The following MYBBP1A variants were observed in gnomAD, a reference collection of about 807,000 sequenced individuals.
MYBBP1A encodes the protein myb-binding protein 1A.
A neutral mutation model predicts 136.3 loss-of-function variants in MYBBP1A; 147 were observed. The observed-to-expected ratio is 1.08, with a 90% CI of 0.94 to 1.24. The LOEUF (loss-of-function observed/expected upper bound fraction) is 1.24, where lower values mean the gene tolerates loss of function less well. Among genes scored for constraint, MYBBP1A ranks in the 50% most tolerant of loss-of-function variants. The pLI is 0.00. For missense variants in MYBBP1A, 2,060 were observed against 1,727.4 expected, an observed-to-expected ratio of 1.19 and a Z score of -3.41; for synonymous variants, 947 against 735.8, an observed-to-expected ratio of 1.29 and a Z score of -4.65.
At position 4,539,565 on chromosome 17, in the gene MYBBP1A, C is replaced by T; in HGVS notation, c.3837G>A (p.Lys1279=). The T allele has an allele frequency of 6.2e-7, 1 of 1,614,152 alleles. No homozygotes were observed. The change falls in exon 26 of 26, where the codon AAG becomes AAA. Residue 1279 remains lysine (K), a synonymous_variant. Transcript: ENST00000254718. The stretch of plus-strand genomic sequence containing the variant: ...CCAAGACCCCCTTTTTGGGAAGAGC[C>T]TTCTGATGCTGCTTTTGGCCTGCAG... ...TEPAGQKQHQ[K]ALPKKGVLGK...
At chr17:4,547,664 G>A (rs1907122117) in intron 13 of MYBBP1A, 1 of 367,120 alleles carries the variant, frequency 2.7e-6, no homozygotes, top group Non-Finnish European at 4.9e-6. Flanking sequence ...TACAGTGCAA[G>A]CTCCTTTGCC....
chr17:4,550,180 G>A lies in MYBBP1A; in HGVS notation c.1197C>T (p.Ser399=), dbSNP rs781268668. 4 of 1,613,968 alleles carry A rather than the reference G, an allele frequency of 2.5e-6. No individual in the cohort carries two copies. Among genetic ancestry groups the A allele is most frequent in the Non-Finnish European group, 3.4e-6 (4 of 1,180,048 alleles). ...PTFWRVVRFL[S]PPALQGYVAW... is the part of the protein sequence containing the mutation. ...CCACATAGCCCTGCAGGGCCGGAGG[G>A]CTCAGGAACCGCACGACCCGCCAGA... is the stretch of plus-strand genomic sequence containing the variant. The change falls in exon 9 of 26, where the codon AGC becomes AGT. Residue 399 remains serine, a synonymous_variant. Coordinates refer to ENST00000254718, the MANE Select transcript of MYBBP1A (RefSeq NM_014520.4).
Position 4,540,330 on chromosome 17 carries a change from C to A in MYBBP1A, c.3434+18G>T. On this transcript the variant is annotated intron_variant, in intron 25 of 25. Coordinates refer to ENST00000254718, the MANE Select transcript of MYBBP1A (RefSeq NM_014520.4). ...CCCAGCCCCTACCCAAGGTGTGTGTCCCCCTCCCAGAACCTACTGGACTCC... is the reference window on the plus strand; with the variant it reads ...CCCAGCCCCTACCCAAGGTGTGTGTACCCCTCCCAGAACCTACTGGACTCC... The A allele has an allele frequency of 1.3e-6, 2 of 1,588,952 alleles. No homozygotes were observed. The highest frequency in any genetic ancestry group is 1.1e-5 in the South Asian group (1 of 89,208).
intron 13 of MYBBP1A, chr17:4,547,720 G>A: frequency 2.2e-6 from 1 of 446,692 alleles, no homozygotes; most frequent in South Asian, 5.6e-5. Context: ...GGGGGTGTCT[G>A]CCTCAAAGCT....
chr17:4,548,135 G>A lies in MYBBP1A; in HGVS notation c.1724+8C>T, dbSNP rs770970979. ...CCTGCCCACCCCCTGGAAATCCCAC[G>A]TGCTCACCGGTCCCAGGCCTGGCGC... On this transcript the variant is annotated splice_region_variant and intron_variant, in intron 12 of 25. Transcript: ENST00000254718. This position sits in a 1 kb window ranked among gnomAD's most constrained non-coding sequence, Gnocchi z 4.2. The A allele has an allele frequency of 7.4e-5, 118 of 1,604,326 alleles. No homozygotes were observed. The highest frequency in any genetic ancestry group is 9.8e-5 in the Non-Finnish European group (116 of 1,179,848).
intron 9 of MYBBP1A, among the ~76,000 whole-genome samples, 180 bp downstream of exon 9, chr17:4,549,878 A>C (rs1024494340): frequency 2.6e-5 from 4 of 151,746 alleles, no homozygotes; most frequent in African/African-American, 7.3e-5. Flanking sequence ...CCCCATCCCG[A>C]TCGCCAGTGT....
intron 24 of MYBBP1A, among the ~76,000 whole-genome samples, chr17:4,540,749 GCCCA>G (rs1343668251): frequency 6.6e-6 from 1 of 151,928 alleles, no homozygotes; most frequent in Non-Finnish European, 1.5e-5. Context: ...AGTGGCCCGG[GCCCA>G]CCCACCTCCA....
Position 4,542,955 on chromosome 17 carries a change from C to G in MYBBP1A, c.2850G>C (p.Gln950His), listed in dbSNP as rs749109515. The change falls in exon 20 of 26, where the codon CAG (glutamine) becomes CAC (histidine). Residue 950 changes from glutamine to histidine, a missense_variant. By Grantham distance (24) the Gln-to-His change is conservative. Transcript: ENST00000254718. ...TGTGGCTGGGGTCAGTGCCAGCTTT[C>G]TGCTTCTCCTGTGTCTCATGCACGC... ...EGCVHETQEKQKAGTDPSHMP... is the reference protein window; with the variant it reads ...EGCVHETQEKHKAGTDPSHMP... The G allele has an allele frequency of 1.1e-5, 17 of 1,614,078 alleles. No homozygotes were observed. Among genetic ancestry groups the G allele is most frequent in the Admixed American group, 1.7e-5 (1 of 60,030 alleles).
chr17:4,539,367 C>T lies in MYBBP1A; in HGVS notation c.*48G>A, dbSNP rs769829037. ...TTTAAAAAAAAAAAAAAAAAATAGG[C>T]GTCTCAGGCAGATGGAGGCAGGGGC... On this transcript the variant is annotated 3_prime_UTR_variant, in exon 26 of 26. Coordinates refer to ENST00000254718, the MANE Select transcript of MYBBP1A (RefSeq NM_014520.4). 46 of 1,500,502 alleles carry T rather than the reference C, an allele frequency of 3.1e-5. No individual in the cohort carries two copies. Among genetic ancestry groups the T allele is most frequent in the Non-Finnish European group, 3.9e-5 (44 of 1,128,482 alleles). The allele number at this position is 1,500,502 out of a possible 1,614,324, so 92.9% of individuals were successfully genotyped here. A position where few individuals can be genotyped will look rare whatever the true frequency, so the allele number is the denominator to read the frequency against.
Position 4,543,190 on chromosome 17 carries a change from G to A in MYBBP1A, c.2640-25C>T, listed in dbSNP as rs373880983. ...CCTGTGGGTGGTGAGGACGAGAGCT[G>A]GTCAGAACATTCTCGGTCCACCCTG... On this transcript the variant is annotated intron_variant, in intron 19 of 25. Coordinates refer to ENST00000254718, the MANE Select transcript of MYBBP1A (RefSeq NM_014520.4). The A allele has an allele frequency of 8.3e-5, 131 of 1,581,922 alleles. No individual in the cohort carries two copies. In the African/African-American group the frequency reaches 8.4e-4, roughly 10 times the overall value.
chr17:4,548,687 C>T lies in MYBBP1A; in HGVS notation c.1431-38G>A. 1.9e-6 allele frequency: 3 copies of T among 1,612,870 alleles called. No homozygotes were observed. The highest frequency in any genetic ancestry group is 1.7e-6 in the Non-Finnish European group (2 of 1,179,458). On this transcript the variant is annotated intron_variant, in intron 10 of 25. Transcript: ENST00000254718. The surrounding 1 kb of genome is among the most constrained non-coding windows in gnomAD (Gnocchi z 4.2). ...GGAGAGTGGCCATAGCCATTCACTGCCATTGGTTTTTACAGGCTCCCCTCC... is the reference window on the plus strand; with the variant it reads ...GGAGAGTGGCCATAGCCATTCACTGTCATTGGTTTTTACAGGCTCCCCTCC...
intron 2 of MYBBP1A, among the ~76,000 whole-genome samples, chr17:4,554,545 CAG>C (rs1264913653): frequency 6.6e-6 from 1 of 152,200 alleles, no homozygotes; most frequent in Non-Finnish European, 1.5e-5. Flanking sequence ...CAAGGCGCCT[CAG>C]AGAGTGGTCT....
chr17:4,545,519 A>G, intron 15 of MYBBP1A, 91 bp downstream of exon 15: 1 of 1,513,578 alleles, frequency 6.6e-7, no homozygotes, highest in Non-Finnish European at 8.9e-7. Context: ...GGCTCCCGGC[A>G]GGGAGGCTGG....
intron 24 of MYBBP1A, 125 bp downstream of exon 24, chr17:4,541,338 C>A (rs1906402695): frequency 4.7e-6 from 4 of 848,842 alleles, no homozygotes; most frequent in Non-Finnish European, 7.7e-6. Context: ...GGCCCAGGCA[C>A]TGAGAAGTTT....
rs191979132 is a variant in MYBBP1A at position 4,542,414 on chromosome 17, A to T, written c.3087+50T>A. 107 of 1,552,302 alleles carry T rather than the reference A, an allele frequency of 6.9e-5. No homozygotes were observed. The Middle Eastern group carries it at 9.3e-4, about 13-fold the overall frequency. On this transcript the variant is annotated intron_variant, in intron 22 of 25. Coordinates refer to ENST00000254718, the MANE Select transcript of MYBBP1A (RefSeq NM_014520.4). ...ACAATATCCAGTCAGAAGAGGGTTA[A>T]GCGGGTTAATTCAGACAGGCCCTGG...
rs775666049 is a variant in MYBBP1A, at chr17:4,553,915, G to A, written c.456C>T (p.Asp152=). Residue 152 remains aspartate (D), a splice_region_variant and synonymous_variant, in exon 5 of 26, where the codon GAC becomes GAT. Transcript: ENST00000254718. ...ALFQSGRLVK[D]QEALMKSVKL... is the part of the protein sequence containing the mutation. ...TCACCGACTTCATCAGTGCCTCCTG[G>A]TCCTGGTCCCCACAGAGGGACAGAG... is the stretch of plus-strand genomic sequence containing the variant. 3 of 1,614,006 alleles carry A rather than the reference G, an allele frequency of 1.9e-6. No homozygotes were observed. Among genetic ancestry groups the A allele is most frequent in the Non-Finnish European group, 2.5e-6 (3 of 1,180,004 alleles).
chr17:4,541,825 A>C lies in MYBBP1A; in HGVS notation c.3154T>G (p.Trp1052Gly). The change falls in exon 23 of 26, where the codon TGG (tryptophan) becomes GGG (glycine). Residue 1052 changes from tryptophan (W) to glycine (G), a missense_variant. By Grantham distance (184) the Trp-to-Gly change is radical. Transcript: ENST00000254718. ...EVRSCFEDPE[W>G]KQLMGQVLAK... ...AGGACCTGGCCCATCAGCTGCTTCCACTCGGGGTCCTCAAAGCACGACCTC... is the reference window on the plus strand; with the variant it reads ...AGGACCTGGCCCATCAGCTGCTTCCCCTCGGGGTCCTCAAAGCACGACCTC... 6.2e-7 allele frequency: 1 copy of C among 1,614,004 alleles called. No homozygotes were observed. Among genetic ancestry groups the C allele is most frequent in the South Asian group, 1.1e-5 (1 of 91,072 alleles).
Position 4,548,709 on chromosome 17 carries a change from C to G in MYBBP1A, c.1431-60G>C. ...CTGCCATTGGTTTTTACAGGCTCCC[C>G]TCCTTGGATGGTACCACCGAGGGTA... On this transcript the variant is annotated intron_variant, in intron 10 of 25. Coordinates refer to ENST00000254718, the MANE Select transcript of MYBBP1A (RefSeq NM_014520.4). This position sits in a 1 kb window ranked among gnomAD's most constrained non-coding sequence, Gnocchi z 4.2. 1 of 1,606,660 alleles carries G rather than the reference C, an allele frequency of 6.2e-7. No homozygotes were observed. Among genetic ancestry groups the G allele is most frequent in the Non-Finnish European group, 8.5e-7 (1 of 1,176,156 alleles).
chr17:4,548,930 CTG>C lies in MYBBP1A; in HGVS notation c.1431-283_1431-282del, dbSNP rs2144483590. 6.6e-6 allele frequency among the ~76,000 whole-genome samples: 1 copy of C among 152,352 alleles called. No homozygotes were observed. Among genetic ancestry groups the C allele is most frequent in the East Asian group, 1.9e-4 (1 of 5,184 alleles). On this transcript the variant is annotated intron_variant, in intron 10 of 25. Transcript: ENST00000254718. This position sits in a 1 kb window ranked among gnomAD's most constrained non-coding sequence, Gnocchi z 4.2. Reference sequence around the variant, plus strand: ...TCTCAAGGAACCAACAGATGGGAGGCTGTGTGGTCATGGCCAAGTCAGGTCAC... The same window carrying C: ...TCTCAAGGAACCAACAGATGGGAGGCTGTGGTCATGGCCAAGTCAGGTCAC...
Sources: gnomAD v4.1 joint callset for allele counts (sites outside exome capture counted in the v4.1 genomes callset) on GRCh38, gnomAD v4.1.1 for gene constraint, Gnocchi (gnomAD v3.1) non-coding constraint, MANE v1.5 for transcripts, NCBI Gene and HGNC (gene_info 2026-07-23, HGNC 2026-07-21) for gene names.